Variants in MARCO observed in about 807,000 individuals in gnomAD.
MARCO encodes the protein macrophage receptor MARCO.
MARCO carries 72 observed loss-of-function variants against 70.0 expected under a neutral mutation model. The observed-to-expected ratio is 1.03, with a 90% CI of 0.85 to 1.25. The LOEUF (loss-of-function observed/expected upper bound fraction) is 1.25. Ranked by LOEUF, MARCO falls within the 50% of genes most tolerant of loss-of-function variation. MARCO has a pLI of 0.00. For synonymous variants in MARCO, 273 were observed against 243.1 expected (o/e 1.12, Z -1.14); for missense variants, 696 against 659.3 (o/e 1.06, Z -0.61).
intron 1 of MARCO, among the ~76,000 whole-genome samples, chr2:118,953,178 A>G (rs60188827): frequency 0.18 from 28,022 of 152,190 alleles, 3,411 homozygotes; most frequent in African/African-American, 0.33. Context: ...TTTTAAGGAA[A>G]CAATAACATT....
At chr2:118,981,211 A>C (rs1003590604) in intron 8 of MARCO, among the ~76,000 whole-genome samples, 198 bp from the exon 9 acceptor site, 4 of 151,998 alleles carry the variant, frequency 2.6e-5, no homozygotes, top group Non-Finnish European at 5.9e-5. Context: ...CCAAATTTTC[A>C]TGAGTTTCTT....
chr2:118,992,539 T>C (rs1171023600), intron 15 of MARCO, 63 bp downstream of exon 15: 2 of 1,394,318 alleles, frequency 1.4e-6, no homozygotes, highest in East Asian at 2.3e-5. Context: ...CTGAAAATTG[T>C]GTGTGTTGGG....
intron 12 of MARCO, among the ~76,000 whole-genome samples, chr2:118,986,012 C>A (rs1441928287): frequency 6.6e-6 from 1 of 152,158 alleles, no homozygotes; most frequent in Non-Finnish European, 1.5e-5. Context: ...AGCAATTGAG[C>A]CCTATGTCAT....
intron 10 of MARCO, 31 bp from the exon 11 acceptor site, chr2:118,982,125 C>A: frequency 6.5e-7 from 1 of 1,547,960 alleles, no homozygotes; most frequent in Non-Finnish European, 8.9e-7. Context: ...TGCCAACCAC[C>A]ACAGCCTGGC....
intron 6 of MARCO, among the ~76,000 whole-genome samples, chr2:118,974,832 C>T (rs1275509006): frequency 1.3e-5 from 2 of 152,088 alleles, no homozygotes; most frequent in African/African-American, 4.8e-5. Flanking sequence ...GACTCCTACC[C>T]CCTCCTCTGT....
At chr2:118,971,259 G>C (rs1337330367) in intron 3 of MARCO, among the ~76,000 whole-genome samples, 1 of 152,142 alleles carries the variant, frequency 6.6e-6, no homozygotes, top group Non-Finnish European at 1.5e-5. Flanking sequence ...AAGACTCCCA[G>C]GGATCTACAG....
chr2:118,975,428 C>T (rs1680261037), intron 6 of MARCO, among the ~76,000 whole-genome samples: 1 of 152,160 alleles, frequency 6.6e-6, no homozygotes, highest in African/African-American at 2.4e-5. Context: ...AAAGAAAACA[C>T]CACCAGTTAC....
At chr2:118,954,070 A>G (rs1679780275) in intron 1 of MARCO, among the ~76,000 whole-genome samples, 2 of 152,242 alleles carry the variant, frequency 1.3e-5, no homozygotes, top group South Asian at 4.1e-4. Context: ...CCTCCTGACC[A>G]GAACTCAGGG....
rs755179985 is a variant in MARCO, at chr2:118,970,308, C to A, written c.394C>A (p.Gln132Lys). The change falls in exon 3 of 17, where the codon CAG becomes AAG. Residue 132 changes from glutamine to lysine, a missense_variant. Gln to Lys is a moderately conservative substitution (Grantham distance 53, BLOSUM62 1). Around this residue, in one of 3 missense-constraint regions of MARCO, gnomAD observed 605 missense variants for 537.6 expected, o/e 1.13. Coordinates refer to ENST00000327097, the MANE Select transcript of MARCO (RefSeq NM_006770.4). The stretch of plus-strand genomic sequence containing the variant: ...CCGCGTCAGCCATGAGCACTTGCTG[C>A]AGCGGGTAGACAACTTCACTCAGAA... ...WVRVSHEHLLQRVDNFTQNPG... is the reference protein window; with the variant it reads ...WVRVSHEHLLKRVDNFTQNPG... 9.9e-6 allele frequency: 16 copies of A among 1,613,624 alleles called. No homozygotes were observed. The Middle Eastern group carries it at 6.6e-4, about 66-fold the overall frequency.
chr2:118,980,427 C>T (rs562157000), intron 8 of MARCO, among the ~76,000 whole-genome samples: 40 of 152,322 alleles, frequency 2.6e-4, no homozygotes, highest in South Asian at 8.3e-4. Flanking sequence ...AATGCTAAGA[C>T]CCAGGGCTCT....
At chr2:118,955,500 G>A (rs575074157) in intron 1 of MARCO, among the ~76,000 whole-genome samples, 1 of 152,246 alleles carries the variant, frequency 6.6e-6, no homozygotes, top group Non-Finnish European at 1.5e-5. Context: ...TGAGGAAAAA[G>A]ACAATTGTAA....
chr2:118,961,566 GT>G (rs951988484), intron 1 of MARCO, among the ~76,000 whole-genome samples: 79 of 150,760 alleles, frequency 5.2e-4, no homozygotes, highest in Admixed American at 1.3e-3. Flanking sequence ...TAATGAGGTT[GT>G]TTTTTTTTCT....
intron 1 of MARCO, among the ~76,000 whole-genome samples, chr2:118,962,254 G>C (rs1182339089): frequency 6.6e-6 from 1 of 152,178 alleles, no homozygotes; most frequent in Admixed American, 6.5e-5. Context: ...ATTCTGTGAA[G>C]AATGTCAGTG....
At position 118,971,275 on chromosome 2, in the gene MARCO, G is replaced by A. The variant is rs549719499; in HGVS notation, c.425-224G>A. Among the ~76,000 whole-genome samples, 14 of 152,236 alleles carry A rather than the reference G, an allele frequency of 9.2e-5. No individual in the cohort carries two copies. In the South Asian group the frequency reaches 2.3e-3, roughly 25 times the overall value. Reference sequence around the variant, plus strand: ...AGACTCCCAGGGATCTACAGGTCTCGGGGTGCAGTCCGCTAGTTGCAGCTG... The same window carrying A: ...AGACTCCCAGGGATCTACAGGTCTCAGGGTGCAGTCCGCTAGTTGCAGCTG... On this transcript the variant is annotated intron_variant, in intron 3 of 16. Transcript: ENST00000327097.
chr2:118,976,888 T>C (rs1002336545), intron 6 of MARCO, among the ~76,000 whole-genome samples: 2 of 152,198 alleles, frequency 1.3e-5, no homozygotes, highest in African/African-American at 2.4e-5. Flanking sequence ...TTTGTGTCAC[T>C]ACTACAGAAT....
chr2:118,960,452 A>G (rs4491733), intron 1 of MARCO, among the ~76,000 whole-genome samples: 55,804 of 151,892 alleles, frequency 0.37, 12,467 homozygotes, highest in African/African-American at 0.61. Flanking sequence ...CTAGTTTGCT[A>G]AGAATTTTTA....
At chr2:118,969,066 C>A in intron 1 of MARCO, 94 bp from the exon 2 acceptor site, 1 of 830,070 alleles carries the variant, frequency 1.2e-6, no homozygotes, top group Non-Finnish European at 2.1e-6. Flanking sequence ...TCACAGGGTG[C>A]CCCCTGCTCA....
At chr2:118,972,971 T>C (rs956565507) in intron 4 of MARCO, among the ~76,000 whole-genome samples, 3 of 152,186 alleles carry the variant, frequency 2.0e-5, no homozygotes, top group African/African-American at 7.2e-5. Context: ...TGAATATAGA[T>C]GTGCGTACAT....
intron 12 of MARCO, among the ~76,000 whole-genome samples, chr2:118,987,359 G>A (rs537354312): frequency 6.6e-6 from 1 of 152,300 alleles, no homozygotes; most frequent in Non-Finnish European, 1.5e-5. Flanking sequence ...TTGATTTATA[G>A]TGAAGTAATT....
Sources: gnomAD v4.1 joint callset for allele counts (sites outside exome capture counted in the v4.1 genomes callset) on GRCh38, gnomAD v4.1.1 for gene constraint, gnomAD v4.1.1 regional missense constraint, MANE v1.5 for transcripts, NCBI Gene and HGNC (gene_info 2026-07-23, HGNC 2026-07-21) for gene names.